Variants in STPG2 observed in about 807,000 individuals in gnomAD.
STPG2 encodes sperm tail PG-rich repeat containing 2, also known as sperm-tail PG-rich repeat-containing protein 2.
Under a neutral mutation model 54.2 loss-of-function variants are expected in STPG2, and 56 were observed. That is an observed-to-expected ratio of 1.03 (90% CI 0.83 to 1.29). The LOEUF is 1.29. Among genes scored for constraint, STPG2 ranks in the 50% most tolerant of loss-of-function variants. STPG2 has a pLI of 0.00. For synonymous variants in STPG2, 200 were observed against 181.8 expected (o/e 1.10, Z -0.81); for missense variants, 596 against 544.9 (o/e 1.09, Z -0.93).
chr4:98,125,764 A>T (rs1201712545), intron 3 of STPG2, among the ~76,000 whole-genome samples: 1 of 152,180 alleles, frequency 6.6e-6, no homozygotes, highest in Non-Finnish European at 1.5e-5. Context: ...GCCAGCTGGC[A>T]GGAAAGAGTA....
chr4:97,583,033 C>T (rs1420049575), intron 10 of STPG2, among the ~76,000 whole-genome samples: 1 of 151,958 alleles, frequency 6.6e-6, no homozygotes, highest in African/African-American at 2.4e-5. Context: ...ATGAAAATGC[C>T]TTTACATTAT....
chr4:98,100,750 A>G (rs1403730432), intron 5 of STPG2, among the ~76,000 whole-genome samples: 1 of 140,694 alleles, frequency 7.1e-6, no homozygotes, highest in African/African-American at 2.7e-5. Flanking sequence ...ATCTCGGCTC[A>G]CTGCAACCTC....
At chr4:97,657,432 C>G (rs1424261417) in intron 10 of STPG2, among the ~76,000 whole-genome samples, 1 of 152,096 alleles carries the variant, frequency 6.6e-6, no homozygotes, top group Non-Finnish European at 1.5e-5. Context: ...AAGGGAATAT[C>G]TATTAAGGCA....
intron 5 of STPG2, among the ~76,000 whole-genome samples, chr4:98,002,628 A>C (rs558620021): frequency 1.3e-5 from 2 of 152,176 alleles, no homozygotes; most frequent in East Asian, 3.9e-4. Context: ...TGGAATGTCA[A>C]TATGGATTTC....
chr4:97,735,644 T>G (rs1157946047), intron 9 of STPG2, among the ~76,000 whole-genome samples: 1 of 149,508 alleles, frequency 6.7e-6, no homozygotes, highest in African/African-American at 2.4e-5. Flanking sequence ...CACACATATC[T>G]ACAGATGTGT....
chr4:97,912,873 C>A (rs1351754306), intron 8 of STPG2, among the ~76,000 whole-genome samples: 1 of 152,066 alleles, frequency 6.6e-6, no homozygotes, highest in Non-Finnish European at 1.5e-5. Flanking sequence ...AAATAAGTGA[C>A]AAATAATTTT....
intron 3 of STPG2, among the ~76,000 whole-genome samples, chr4:98,127,002 G>A (rs1017443173): frequency 4.0e-5 from 6 of 151,578 alleles, no homozygotes; most frequent in South Asian, 4.2e-4. Context: ...ATACTCATAC[G>A]GTTATATCTG....
intron 7 of STPG2, among the ~76,000 whole-genome samples, chr4:97,958,706 G>T (rs1733778996): frequency 6.6e-6 from 1 of 152,136 alleles, no homozygotes; most frequent in African/African-American, 2.4e-5. Flanking sequence ...TAATACTGGA[G>T]CTCCCAAATT....
chr4:97,862,144 C>T (rs1020895251), intron 8 of STPG2, among the ~76,000 whole-genome samples: 7 of 151,896 alleles, frequency 4.6e-5, no homozygotes, highest in African/African-American at 7.3e-5. Flanking sequence ...GATAAAGAGT[C>T]AAGACCCATC....
chr4:97,471,256 G>A (rs1463283414), intron 4 of STPG2, among the ~76,000 whole-genome samples: 3 of 152,108 alleles, frequency 2.0e-5, no homozygotes, highest in Non-Finnish European at 4.4e-5. Context: ...GGGGTGGGGA[G>A]CTACTGTACT....
chr4:97,852,119 T>C (rs1268448035), intron 8 of STPG2, among the ~76,000 whole-genome samples: 1 of 152,190 alleles, frequency 6.6e-6, no homozygotes, highest in Non-Finnish European at 1.5e-5. Flanking sequence ...AAAAATCACC[T>C]TGATAAACTT....
intron 5 of STPG2, among the ~76,000 whole-genome samples, chr4:98,000,763 G>A (rs1357578508): frequency 6.6e-6 from 1 of 152,018 alleles, no homozygotes; most frequent in African/African-American, 2.4e-5. Flanking sequence ...AGTGTCACTG[G>A]GTCTCAGATG....
At chr4:97,762,097 G>T (rs1725906269) in intron 9 of STPG2, among the ~76,000 whole-genome samples, 1 of 152,234 alleles carries the variant, frequency 6.6e-6, no homozygotes, top group South Asian at 2.1e-4. Flanking sequence ...ATTTTTGGAG[G>T]TTTTAAAGTC....
chr4:97,687,622 G>A (rs991638124), intron 10 of STPG2, among the ~76,000 whole-genome samples: 6 of 152,150 alleles, frequency 3.9e-5, no homozygotes, highest in African/African-American at 1.4e-4. Flanking sequence ...TTACAGGCAT[G>A]AGCCACCACA....
intron 8 of STPG2, among the ~76,000 whole-genome samples, chr4:97,915,275 G>A (rs72892948): frequency 0.015 from 2,333 of 152,238 alleles, 54 homozygotes; most frequent in African/African-American, 0.053. Flanking sequence ...GGAAGTAGAC[G>A]TAACCAGCAT....
intron 8 of STPG2, among the ~76,000 whole-genome samples, chr4:97,900,364 A>G (rs570084194): frequency 2.6e-5 from 4 of 152,058 alleles, no homozygotes; most frequent in Admixed American, 1.3e-4. Flanking sequence ...GCAGTATGGC[A>G]ATTCCTCAAA....
chr4:97,888,449 G>C (rs1730659527), intron 8 of STPG2, among the ~76,000 whole-genome samples: 1 of 152,236 alleles, frequency 6.6e-6, no homozygotes, highest in Admixed American at 6.5e-5. Flanking sequence ...GATTATACTG[G>C]AGCTTTAAGA....
At chr4:97,748,979 A>T (rs1725500550) in intron 9 of STPG2, among the ~76,000 whole-genome samples, 1 of 151,550 alleles carries the variant, frequency 6.6e-6, no homozygotes, top group African/African-American at 2.4e-5. Flanking sequence ...ATAGAATTTC[A>T]TATACACCCT....
chr4:97,489,668 C>T (rs1355072425), intron 4 of STPG2: 1 of 151,618 alleles, frequency 6.6e-6, no homozygotes. Context: ...TGTAAATATG[C>T]TTCTAGATGG....
Sources: allele counts gnomAD v4.1 joint callset (sites outside exome capture counted in the v4.1 genomes callset), GRCh38; gene constraint gnomAD v4.1.1; transcripts MANE v1.5; gene names NCBI Gene and HGNC (gene_info 2026-07-23, HGNC 2026-07-21).